SORCS1: variants seen among roughly 807,000 people sequenced by gnomAD.
SORCS1 encodes the protein VPS10 domain-containing receptor SorCS1.
A neutral mutation model predicts 146.1 loss-of-function variants in SORCS1; 60 were observed. That is an observed-to-expected ratio of 0.41 (90% CI 0.33 to 0.51). The LOEUF (loss-of-function observed/expected upper bound fraction) is 0.51, where lower values mean the gene tolerates loss of function less well. Ranked by LOEUF, SORCS1 falls within the 20% of genes least tolerant of loss-of-function variation. The pLI, the probability that SORCS1 is intolerant of heterozygous loss-of-function variation, is 0.21. For missense variants in SORCS1, 1,352 were observed against 1,487.6 expected, an observed-to-expected ratio of 0.91 and a Z score of 1.50; for synonymous variants, 637 against 584.0, an observed-to-expected ratio of 1.09 and a Z score of -1.31.
At position 106,579,456 on chromosome 10, in the gene SORCS1, G is replaced by A. The variant is rs144711326; in HGVS notation, c.3284C>T (p.Thr1095Ile). ...HLTAAPLVDL[T>I]PTHSGSAMLM... Reference sequence around the variant, plus strand: ...CATGGCAGATCCACTGTGGGTTGGAGTGAGGTCCACCAGGGGGGCTTGTGG... The same window carrying A: ...CATGGCAGATCCACTGTGGGTTGGAATGAGGTCCACCAGGGGGGCTTGTGG... Residue 1095 changes from threonine (T) to isoleucine (I), a missense_variant, in exon 25 of 26, where the codon ACT (threonine) becomes ATT (isoleucine). Thr to Ile is a moderately conservative substitution (Grantham distance 89). Around this residue, in one of 3 missense-constraint regions of SORCS1, gnomAD observed 214 missense variants for 204.8 expected, o/e 1.05. Coordinates refer to ENST00000263054, the MANE Select transcript of SORCS1 (RefSeq NM_052918.5). The A allele has an allele frequency of 7.7e-5, 125 of 1,613,726 alleles. No homozygotes were observed. The highest frequency in any genetic ancestry group is 1.0e-4 in the Non-Finnish European group (118 of 1,179,948).
chr10:106,775,594 CCTCA>C (rs1208490854), intron 4 of SORCS1, among the ~76,000 whole-genome samples: 1 of 152,152 alleles, frequency 6.6e-6, no homozygotes, highest in Non-Finnish European at 1.5e-5. Flanking sequence ...AGAATATTCA[CCTCA>C]CTTAGTTAAG....
At chr10:106,856,466 T>C (rs1949791642) in intron 2 of SORCS1, among the ~76,000 whole-genome samples, 1 of 152,202 alleles carries the variant, frequency 6.6e-6, no homozygotes, top group African/African-American at 2.4e-5. Context: ...GAAGTTGCAG[T>C]TGCTTATTTC....
At chr10:106,782,254 G>A (rs1452301992) in intron 3 of SORCS1, among the ~76,000 whole-genome samples, 4 of 151,928 alleles carry the variant, frequency 2.6e-5, no homozygotes, top group South Asian at 2.1e-4. Context: ...ATTTTTTAAC[G>A]GAAAAAAACA....
At chr10:106,864,285 G>A (rs764994846) in intron 2 of SORCS1, among the ~76,000 whole-genome samples, 1 of 152,142 alleles carries the variant, frequency 6.6e-6, no homozygotes, top group East Asian at 1.9e-4. Flanking sequence ...GTCCACCAGG[G>A]AGCAACACAA....
chr10:106,660,900 C>A (rs1204452325), intron 17 of SORCS1, among the ~76,000 whole-genome samples: 3 of 152,126 alleles, frequency 2.0e-5, no homozygotes, highest in Admixed American at 2.0e-4. Flanking sequence ...TATAAAGCAC[C>A]TCTAGAAATA....
chr10:106,820,885 T>A (rs945309706), intron 3 of SORCS1, among the ~76,000 whole-genome samples: 1 of 152,140 alleles, frequency 6.6e-6, no homozygotes, highest in Non-Finnish European at 1.5e-5. Flanking sequence ...CAGCAGAGCA[T>A]AACTTGGAAC....
intron 9 of SORCS1, among the ~76,000 whole-genome samples, chr10:106,694,164 G>A (rs1299552247): frequency 6.6e-6 from 1 of 152,118 alleles, no homozygotes; most frequent in Non-Finnish European, 1.5e-5. Context: ...AAACCTAAAT[G>A]TTCTTTCCTT....
chr10:106,904,510 A>G (rs1356696068), intron 2 of SORCS1, among the ~76,000 whole-genome samples: 5 of 152,210 alleles, frequency 3.3e-5, no homozygotes, highest in Admixed American at 3.3e-4. Context: ...AGGATTGTAG[A>G]GGATTGTTGA....
intron 5 of SORCS1, among the ~76,000 whole-genome samples, chr10:106,744,399 C>T (rs2136128683): frequency 6.6e-6 from 1 of 152,254 alleles, no homozygotes; most frequent in Non-Finnish European, 1.5e-5. Flanking sequence ...GCCACCGTGC[C>T]CGGCCATCAT....
intron 1 of SORCS1, among the ~76,000 whole-genome samples, chr10:107,053,450 T>C (rs1167234151): frequency 1.3e-5 from 2 of 152,188 alleles, no homozygotes; most frequent in African/African-American, 4.8e-5. Flanking sequence ...AGGTACGTAG[T>C]TGTATATAAA....
At chr10:107,080,225 A>G (rs1963222482) in intron 1 of SORCS1, among the ~76,000 whole-genome samples, 1 of 152,198 alleles carries the variant, frequency 6.6e-6, no homozygotes, top group South Asian at 2.1e-4. Flanking sequence ...AGTGGCTGAC[A>G]TTAAGCCATA....
intron 1 of SORCS1, among the ~76,000 whole-genome samples, chr10:107,045,781 CTTTTTTT>C (rs1313801610): frequency 3.1e-5 from 4 of 130,160 alleles, no homozygotes; most frequent in Admixed American, 1.6e-4. Flanking sequence ...TATATATCTT[CTTTTTTT>C]TTTTTTTTTT....
intron 1 of SORCS1, among the ~76,000 whole-genome samples, chr10:107,004,872 G>C (rs1199312098): frequency 6.6e-6 from 1 of 151,984 alleles, no homozygotes; most frequent in African/African-American, 2.4e-5. Flanking sequence ...TGGGTGGGTG[G>C]GCCTGTGCGT....
chr10:106,620,452 C>A lies in SORCS1; in HGVS notation c.2772G>T (p.Val924=), dbSNP rs768230980. ...WPSQVGTLTY[V]WWYGNNTEPL... ...CCTCCGTGTTGTTTCCGTACCACCA[C>A]ACGTAAGTGAGGGTGCCCACTTGGC... is the stretch of plus-strand genomic sequence containing the variant. The change falls in exon 20 of 26, where the codon GTG becomes GTT. Residue 924 remains valine (V), a synonymous_variant. Transcript: ENST00000263054. 1.6e-5 allele frequency: 26 copies of A among 1,613,758 alleles called. No individual in the cohort carries two copies. Among genetic ancestry groups the A allele is most frequent in the Middle Eastern group, 3.3e-4 (2 of 6,082 alleles).
chr10:107,024,837 G>A (rs1362425825), intron 1 of SORCS1, among the ~76,000 whole-genome samples: 2 of 152,036 alleles, frequency 1.3e-5, no homozygotes, highest in African/African-American at 4.8e-5. Flanking sequence ...TAAAAAAAAT[G>A]GCTGCAAAAC....
intron 3 of SORCS1, among the ~76,000 whole-genome samples, chr10:106,802,638 A>G (rs1288897437): frequency 6.6e-6 from 1 of 152,124 alleles, no homozygotes; most frequent in Admixed American, 6.5e-5. Context: ...AGCTGGGATT[A>G]CAGGCATGCC....
chr10:107,158,834 T>C (rs931413527), intron 1 of SORCS1, among the ~76,000 whole-genome samples: 1 of 152,224 alleles, frequency 6.6e-6, no homozygotes, highest in Non-Finnish European at 1.5e-5. Context: ...ATTATTTTCA[T>C]ATATAAATGA....
chr10:107,158,859 C>CT (rs1969496107), intron 1 of SORCS1, among the ~76,000 whole-genome samples: 1 of 152,072 alleles, frequency 6.6e-6, no homozygotes, highest in South Asian at 2.1e-4. Context: ...CATGTATCTG[C>CT]TTTTTTGCCC....
chr10:106,629,888 A>G (rs527588788), intron 18 of SORCS1, among the ~76,000 whole-genome samples: 5 of 152,298 alleles, frequency 3.3e-5, no homozygotes, highest in African/African-American at 9.6e-5. Context: ...TACTAAAAAT[A>G]CAAAAATTAG....
Sources: allele counts gnomAD v4.1 joint callset (sites outside exome capture counted in the v4.1 genomes callset), GRCh38; gene constraint gnomAD v4.1.1; regional missense constraint gnomAD v4.1.1; transcripts MANE v1.5; gene names NCBI Gene and HGNC (gene_info 2026-07-23, HGNC 2026-07-21).